FRYL: variants seen among roughly 807,000 people sequenced by gnomAD.
FRYL encodes FRY like transcription coactivator, also known as protein furry homolog-like.
A neutral mutation model predicts 351.2 loss-of-function variants in FRYL; 150 were observed. The ratio of observed to expected loss-of-function variants is 0.43; its 90% CI spans 0.37 to 0.49. FRYL has a LOEUF of 0.49. Ranked by LOEUF, FRYL falls within the 20% of genes least tolerant of loss-of-function variation. FRYL has a pLI of 0.00. For missense variants in FRYL, 3,036 were observed against 3,619.3 expected (o/e 0.84, Z 4.13); for synonymous variants, 1,153 against 1,257.1 (o/e 0.92, Z 1.75).
At chr4:48,738,451 A>G (rs749890479) in intron 1 of FRYL, among the ~76,000 whole-genome samples, 13 of 152,162 alleles carry the variant, frequency 8.5e-5, no homozygotes, top group Admixed American at 2.0e-4. Context: ...CAAATAACTA[A>G]ATAAATACAT....
At chr4:48,562,109 C>T (rs1371982798) in intron 32 of FRYL, among the ~76,000 whole-genome samples, 1 of 152,068 alleles carries the variant, frequency 6.6e-6, no homozygotes, top group African/African-American at 2.4e-5. Flanking sequence ...GTTAGTAACA[C>T]AGTCTGAAAA....
intron 2 of FRYL, among the ~76,000 whole-genome samples, chr4:48,697,541 G>A (rs1303687790): frequency 2.6e-5 from 4 of 151,834 alleles, no homozygotes; most frequent in Admixed American, 6.6e-5. Flanking sequence ...CCCAGGCTGC[G>A]GTGTCTCAGC....
At chr4:48,763,106 T>TAAAAAAAAAAAA (rs10683757) in intron 1 of FRYL, among the ~76,000 whole-genome samples, 2 of 91,534 alleles carry the variant, frequency 2.2e-5, no homozygotes, top group African/African-American at 4.1e-5. Flanking sequence ...TACAGATCTG[T>TAAAAAAAAAAAA]AAAAAAAAAA....
At chr4:48,615,900 T>C (rs1334182841) in intron 7 of FRYL, among the ~76,000 whole-genome samples, 1 of 152,202 alleles carries the variant, frequency 6.6e-6, no homozygotes, top group Admixed American at 6.5e-5. Context: ...AAGGATGAGT[T>C]CATGTCCTTT....
intron 15 of FRYL, among the ~76,000 whole-genome samples, chr4:48,594,714 T>C (rs998477991): frequency 1.3e-5 from 2 of 152,238 alleles, no homozygotes; most frequent in African/African-American, 2.4e-5. Flanking sequence ...TTATGGATCA[T>C]CTAGATTGTT....
intron 35 of FRYL, 54 bp from the exon 36 acceptor site, chr4:48,553,437 A>C: frequency 1.5e-6 from 2 of 1,300,336 alleles, no homozygotes; most frequent in Non-Finnish European, 2.2e-6. Context: ...TATCTCATTA[A>C]TTTCTCCTGA....
chr4:48,643,648 AAAATT>A (rs1178821158), intron 3 of FRYL, among the ~76,000 whole-genome samples: 7 of 152,262 alleles, frequency 4.6e-5, no homozygotes, highest in Admixed American at 6.5e-5. Flanking sequence ...ATAATATTAA[AAAATT>A]AAATCGTTAC....
intron 1 of FRYL, among the ~76,000 whole-genome samples, chr4:48,722,072 C>T (rs1769536345): frequency 1.3e-5 from 2 of 152,112 alleles, no homozygotes; most frequent in African/African-American, 4.8e-5. Context: ...TCCTTGGTCT[C>T]CAGTGAGCCC....
intron 36 of FRYL, 68 bp from the exon 37 acceptor site, chr4:48,551,646 T>A: frequency 1.1e-6 from 1 of 947,720 alleles, no homozygotes; most frequent in Non-Finnish European, 1.7e-6. Flanking sequence ...GAACAAAAGA[T>A]CTCAAATTAT....
chr4:48,611,753 A>G (rs1430786155), intron 7 of FRYL, among the ~76,000 whole-genome samples: 2 of 152,194 alleles, frequency 1.3e-5, no homozygotes, highest in East Asian at 3.8e-4. Flanking sequence ...TTTACATGAA[A>G]TAACTTTTAG....
intron 45 of FRYL, 49 bp from the exon 46 acceptor site, chr4:48,541,009 G>T: frequency 7.0e-7 from 1 of 1,431,580 alleles, no homozygotes; most frequent in Non-Finnish European, 9.2e-7. Context: ...CACTTCTTTT[G>T]CTAAATTAAT....
intron 1 of FRYL, among the ~76,000 whole-genome samples, chr4:48,758,956 T>C (rs1287908127): frequency 6.6e-6 from 1 of 152,114 alleles, no homozygotes; most frequent in African/African-American, 2.4e-5. Context: ...CTGGAAACCA[T>C]CATTCTCAGC....
chr4:48,607,732 A>G (rs1291901728), intron 9 of FRYL, among the ~76,000 whole-genome samples: 1 of 152,168 alleles, frequency 6.6e-6, no homozygotes, highest in Non-Finnish European at 1.5e-5. Context: ...ATGAGCAGAA[A>G]ACATCTTAGT....
chr4:48,629,157 T>C (rs943406497), intron 4 of FRYL, among the ~76,000 whole-genome samples: 1 of 151,968 alleles, frequency 6.6e-6, no homozygotes, highest in Admixed American at 6.6e-5. Flanking sequence ...AGTGCATATG[T>C]AGGATACCAA....
At chr4:48,715,378 C>T (rs534975305) in intron 1 of FRYL, among the ~76,000 whole-genome samples, 2 of 152,138 alleles carry the variant, frequency 1.3e-5, no homozygotes, top group South Asian at 2.1e-4. Context: ...AAAACCCCAT[C>T]GTCTCAGCCC....
At chr4:48,519,704 T>C (rs188889366) in intron 55 of FRYL, among the ~76,000 whole-genome samples, 2 of 151,738 alleles carry the variant, frequency 1.3e-5, no homozygotes, top group African/African-American at 4.8e-5. Context: ...GGTTTCACCA[T>C]GTTCGCCAGG....
intron 36 of FRYL, among the ~76,000 whole-genome samples, chr4:48,552,244 G>GGGGTGTGTGTGTGTGTGTGT (rs1171010678): frequency 1.4e-5 from 2 of 145,244 alleles, no homozygotes; most frequent in African/African-American, 5.2e-5. Flanking sequence ...AGTCCAAAGG[G>GGGGTGTGTGTGTGTGTGTGT]GTGTGTGTGT....
At chr4:48,736,798 C>T (rs1319198374) in intron 1 of FRYL, among the ~76,000 whole-genome samples, 5 of 120,132 alleles carry the variant, frequency 4.2e-5, no homozygotes, top group African/African-American at 1.6e-4. Context: ...TGCAGTGAGC[C>T]AAGATCGCAC....
rs1432238839 is a variant in FRYL at position 48,564,975 on chromosome 4, C to T, written c.3399G>A (p.Leu1133=). 1.2e-6 allele frequency: 2 copies of T among 1,609,150 alleles called. No individual in the cohort carries two copies. Among genetic ancestry groups the T allele is most frequent in the East Asian group, 4.5e-5 (2 of 44,606 alleles). Residue 1133 remains leucine, a synonymous_variant, in exon 30 of 64, where the codon TTG becomes TTA. Transcript: ENST00000358350. ...CCAAAATGTTATCCAACCATTTGTA[C>T]AAATAGCCATCTGATGAAAGTCCTA... ...DNVGLSSDGY[L]YKWLDNILDS... is the part of the protein sequence containing the mutation.
Sources: allele counts gnomAD v4.1 joint callset (sites outside exome capture counted in the v4.1 genomes callset), GRCh38; gene constraint gnomAD v4.1.1; transcripts MANE v1.5; gene names NCBI Gene and HGNC (gene_info 2026-07-23, HGNC 2026-07-21).